ULK4: variants seen among roughly 807,000 people sequenced by gnomAD.
ULK4 encodes the protein unc-51 like kinase 4.
Under a neutral mutation model 160.6 loss-of-function variants are expected in ULK4, and 133 were observed. That is an observed-to-expected ratio of 0.83 (90% CI 0.72 to 0.96). The LOEUF is 0.96. ULK4 is among the 40% of genes least tolerant of loss of function. ULK4 has a pLI of 0.00. For missense variants in ULK4, 1,580 were observed against 1,499.5 expected (o/e 1.05, Z -0.89); for synonymous variants, 534 against 539.8 (o/e 0.99, Z 0.15).
chr3:41,717,218 A>G (rs1368874733), intron 23 of ULK4, among the ~76,000 whole-genome samples: 3 of 152,196 alleles, frequency 2.0e-5, no homozygotes, highest in Non-Finnish European at 2.9e-5. Context: ...ATCACTATGC[A>G]TTTTATACAT....
intron 35 of ULK4, among the ~76,000 whole-genome samples, chr3:41,343,295 C>CTTTTTT (rs55691966): frequency 1.2e-4 from 10 of 85,334 alleles, no homozygotes; most frequent in Non-Finnish European, 1.6e-4. Context: ...AGCCCAAAAA[C>CTTTTTT]TTTTTTTTTT....
At chr3:41,735,684 C>T (rs2038008976) in intron 22 of ULK4, among the ~76,000 whole-genome samples, 1 of 93,670 alleles carries the variant, frequency 1.1e-5, no homozygotes, top group Admixed American at 1.2e-4. Flanking sequence ...ACTCTAAGTC[C>T]ATTTTATTAT....
intron 34 of ULK4, among the ~76,000 whole-genome samples, chr3:41,444,114 T>C (rs2125859493): frequency 6.6e-6 from 1 of 152,296 alleles, no homozygotes; most frequent in Non-Finnish European, 1.5e-5. Flanking sequence ...AGGCTTTCGA[T>C]ACAGACCAAT....
At chr3:41,651,876 G>A (rs1157072712) in intron 30 of ULK4, among the ~76,000 whole-genome samples, 1 of 152,182 alleles carries the variant, frequency 6.6e-6, no homozygotes, top group Non-Finnish European at 1.5e-5. Flanking sequence ...ACATAAGCAT[G>A]CACTGAGTGA....
In ULK4 at chr3:41,796,786, T is replaced by C. The variant is rs529287318; in HGVS notation, c.2010+3346A>G. Among the ~76,000 whole-genome samples, 6 of 152,238 alleles carry C rather than the reference T, an allele frequency of 3.9e-5. No individual in the cohort carries two copies. The East Asian group carries it at 1.2e-3, about 29-fold the overall frequency. On this transcript the variant is annotated intron_variant, in intron 20 of 36. Coordinates refer to ENST00000301831, the MANE Select transcript of ULK4 (RefSeq NM_017886.4). The stretch of plus-strand genomic sequence containing the variant: ...AGCAACAATGACACCACCCAGGGAA[T>C]GAACACAAAGAGCACCCAGATCTTC...
intron 17 of ULK4, among the ~76,000 whole-genome samples, chr3:41,866,923 A>T (rs1396299454): frequency 6.6e-6 from 1 of 152,212 alleles, no homozygotes; most frequent in Admixed American, 6.5e-5. Flanking sequence ...CTTTTAACAT[A>T]CATTAGACTC....
Position 41,931,827 on chromosome 3 carries a change from T to C in ULK4, c.541+17A>G. 1 of 1,613,606 alleles carries C rather than the reference T, an allele frequency of 6.2e-7. No homozygotes were observed. The stretch of plus-strand genomic sequence containing the variant: ...ACAACTAGAGTTATGATCTTTAAGC[T>C]TTCCAGGTCCACATACCTTTGACTC... On this transcript the variant is annotated intron_variant, in intron 5 of 36. Coordinates refer to ENST00000301831, the MANE Select transcript of ULK4 (RefSeq NM_017886.4).
intron 35 of ULK4, among the ~76,000 whole-genome samples, chr3:41,358,095 C>T (rs993015245): frequency 1.1e-4 from 16 of 152,198 alleles, no homozygotes; most frequent in Non-Finnish European, 7.3e-5. Context: ...TGCTGTTCAC[C>T]ATTACACCAC....
intron 35 of ULK4, among the ~76,000 whole-genome samples, chr3:41,347,384 C>A (rs2080822054): frequency 1.3e-5 from 2 of 152,170 alleles, no homozygotes; most frequent in Non-Finnish European, 2.9e-5. Context: ...AGACAGGCCA[C>A]AACATTCCAG....
intron 30 of ULK4, among the ~76,000 whole-genome samples, chr3:41,630,366 C>G (rs560712416): frequency 3.3e-5 from 5 of 152,278 alleles, no homozygotes; most frequent in South Asian, 2.1e-4. Context: ...CATTTCCTTG[C>G]TGCTGCCAGC....
chr3:41,668,318 G>A (rs906856756), intron 29 of ULK4, among the ~76,000 whole-genome samples: 6 of 152,272 alleles, frequency 3.9e-5, no homozygotes, highest in African/African-American at 1.4e-4. Context: ...TACATATAAA[G>A]AATACACGTA....
intron 17 of ULK4, among the ~76,000 whole-genome samples, chr3:41,853,178 G>C (rs571754296): frequency 4.6e-5 from 7 of 152,286 alleles, no homozygotes; most frequent in Non-Finnish European, 8.8e-5. Flanking sequence ...CCCTTCCTCA[G>C]AGTTTCTCAT....
chr3:41,450,460 T>C (rs901534013), intron 34 of ULK4, among the ~76,000 whole-genome samples: 33 of 152,206 alleles, frequency 2.2e-4, no homozygotes, highest in Non-Finnish European at 4.6e-4. Flanking sequence ...GTGTATATTA[T>C]AAATATAGGT....
At chr3:41,591,861 C>T (rs756125304) in intron 31 of ULK4, among the ~76,000 whole-genome samples, 3 of 152,152 alleles carry the variant, frequency 2.0e-5, no homozygotes, top group Non-Finnish European at 4.4e-5. Context: ...TGTACAAAGC[C>T]ATCTCACTAA....
At chr3:41,771,025 A>G (rs114228776) in intron 21 of ULK4, among the ~76,000 whole-genome samples, 1,637 of 152,370 alleles carry the variant, frequency 0.011, 16 homozygotes, top group Non-Finnish European at 0.017. Flanking sequence ...GTTTGTAAAT[A>G]TTAAGAGAGA....
intron 17 of ULK4, among the ~76,000 whole-genome samples, chr3:41,862,859 G>A (rs534597014): frequency 1.3e-5 from 2 of 150,714 alleles, no homozygotes; most frequent in Admixed American, 6.7e-5. Flanking sequence ...GGGGTGGAGT[G>A]ACACAAGCAC....
At chr3:41,357,863 T>G (rs933917901) in intron 35 of ULK4, among the ~76,000 whole-genome samples, 1 of 152,198 alleles carries the variant, frequency 6.6e-6, no homozygotes, top group African/African-American at 2.4e-5. Context: ...CAACTAACAC[T>G]TAGCATCTAT....
chr3:41,872,495 G>A (rs1036148973), intron 17 of ULK4, among the ~76,000 whole-genome samples: 1 of 152,148 alleles, frequency 6.6e-6, no homozygotes, highest in African/African-American at 2.4e-5. Flanking sequence ...GTCACTTTCT[G>A]CCTAAACTCT....
chr3:41,760,304 T>C (rs866589042), intron 21 of ULK4, among the ~76,000 whole-genome samples: 5 of 152,266 alleles, frequency 3.3e-5, no homozygotes, highest in South Asian at 2.1e-4. Context: ...TTTTCATACA[T>C]TGCTAGTGGG....
Sources: allele counts gnomAD v4.1 joint callset (sites outside exome capture counted in the v4.1 genomes callset), GRCh38; gene constraint gnomAD v4.1.1; transcripts MANE v1.5; gene names NCBI Gene and HGNC (gene_info 2026-07-23, HGNC 2026-07-21).